Variants in C10orf90 observed in about 807,000 individuals in gnomAD.
C10orf90 encodes (E2-independent) E3 ubiquitin-conjugating enzyme FATS.
C10orf90 carries 56 observed loss-of-function variants against 62.5 expected under a neutral mutation model. That is an observed-to-expected ratio of 0.90 (90% CI 0.72 to 1.12). The LOEUF is 1.12. Ranked by LOEUF, C10orf90 falls within the 50% of genes most tolerant of loss-of-function variation. The pLI, the probability that C10orf90 is intolerant of heterozygous loss-of-function variation, is 0.00. For missense variants in C10orf90, 970 were observed against 880.4 expected (o/e 1.10, Z -1.29); for synonymous variants, 386 against 340.4 (o/e 1.13, Z -1.47).
chr10:126,523,940 G>A (rs1345805694), intron 2 of C10orf90, among the ~76,000 whole-genome samples: 1 of 152,190 alleles, frequency 6.6e-6, no homozygotes, highest in Non-Finnish European at 1.5e-5. Flanking sequence ...GCTATTGAAT[G>A]TATATACTAC....
At chr10:126,441,228 A>T (rs1035070742) in intron 7 of C10orf90, among the ~76,000 whole-genome samples, 5 of 152,176 alleles carry the variant, frequency 3.3e-5, no homozygotes. Flanking sequence ...ACACTTATAG[A>T]AATGCAAAAT....
At chr10:126,486,369 A>G (rs1405409370) in intron 4 of C10orf90, among the ~76,000 whole-genome samples, 3 of 152,198 alleles carry the variant, frequency 2.0e-5, no homozygotes, top group Admixed American at 1.3e-4. Context: ...TTTCACAGAT[A>G]AAGTCCCAAT....
rs150924905 is a variant in C10orf90, at chr10:126,513,867, G to C, written c.386C>G (p.Ala129Gly). The C allele has an allele frequency of 6.2e-7, 1 of 1,609,862 alleles. No homozygotes were observed. Among genetic ancestry groups the C allele is most frequent in the Non-Finnish European group, 8.5e-7 (1 of 1,176,446 alleles). Reference protein sequence around the residue: ...LKNLQSDVTEAKSDFTKETLA... With the variant: ...LKNLQSDVTEGKSDFTKETLA... The stretch of plus-strand genomic sequence containing the variant: ...TGTTACCTTGGTGAAGTCAGATTTT[G>C]CCTCTGTGACATCAGACTGGAGATT... The change falls in exon 3 of 10, where the codon GCA (alanine) becomes GGA (glycine). Residue 129 changes from alanine (A) to glycine (G), a missense_variant. Coordinates refer to ENST00000488181, the MANE Select transcript of C10orf90 (RefSeq NM_001350921.2).
intron 4 of C10orf90, among the ~76,000 whole-genome samples, chr10:126,481,226 C>T (rs1461669352): frequency 3.3e-5 from 5 of 152,088 alleles, no homozygotes; most frequent in Non-Finnish European, 7.4e-5. Context: ...AGCCCAATCA[C>T]ATCATCTGAC....
intron 3 of C10orf90, among the ~76,000 whole-genome samples, chr10:126,507,649 G>A (rs533992509): frequency 6.6e-6 from 1 of 152,208 alleles, no homozygotes; most frequent in Non-Finnish European, 1.5e-5. Context: ...CCTGCCAGGT[G>A]GGGCTTCCTC....
chr10:126,614,796 T>G (rs1330482036), intron 2 of C10orf90, among the ~76,000 whole-genome samples: 1 of 152,148 alleles, frequency 6.6e-6, no homozygotes, highest in African/African-American at 2.4e-5. Flanking sequence ...TTCAATAAAT[T>G]TACATATTTG....
At chr10:126,438,088 A>G (rs552204578) in intron 7 of C10orf90, among the ~76,000 whole-genome samples, 42 of 152,300 alleles carry the variant, frequency 2.8e-4, no homozygotes, top group African/African-American at 9.9e-4. Context: ...TGGCATTGTT[A>G]CAGATGCCGG....
rs531028682 is a variant in C10orf90, at chr10:126,461,581, A to G, written c.1830T>C (p.Asp610=). ...VQIESKFPKG[D]YTCCDLVVKI... ...TTACAACCAAGTCACAGCATGTGTA[A>G]TCTCCTAGGAGAGAAGATTTAGAAT... The change falls in exon 6 of 10, where the codon GAT becomes GAC. Residue 610 remains aspartate (D), a synonymous_variant. Coordinates refer to ENST00000488181, the MANE Select transcript of C10orf90 (RefSeq NM_001350921.2). The G allele has an allele frequency of 1.2e-6, 2 of 1,613,372 alleles. No homozygotes were observed. The highest frequency in any genetic ancestry group is 4.5e-5 in the East Asian group (2 of 44,850).
At chr10:126,643,399 G>GT (rs1379618683) in intron 2 of C10orf90, among the ~76,000 whole-genome samples, 4 of 152,156 alleles carry the variant, frequency 2.6e-5, no homozygotes, top group Non-Finnish European at 5.9e-5. Context: ...GACCTCTGTG[G>GT]CCCCTCCCAA....
At chr10:126,583,144 A>G (rs961474811) in intron 2 of C10orf90, among the ~76,000 whole-genome samples, 3 of 152,182 alleles carry the variant, frequency 2.0e-5, no homozygotes, top group Admixed American at 2.0e-4. Flanking sequence ...TGCCTGGGGG[A>G]CAAAACCACC....
chr10:126,534,154 C>T (rs1864174233), intron 2 of C10orf90, among the ~76,000 whole-genome samples: 1 of 152,230 alleles, frequency 6.6e-6, no homozygotes, highest in African/African-American at 2.4e-5. Flanking sequence ...ATGAGATCAG[C>T]TTTCCTCGAG....
chr10:126,432,883 C>A (rs1449994501), intron 7 of C10orf90, among the ~76,000 whole-genome samples: 2 of 152,230 alleles, frequency 1.3e-5, no homozygotes, highest in African/African-American at 4.8e-5. Context: ...ATTTAAGGAG[C>A]TTTGCAATCC....
In C10orf90 at chr10:126,576,659, G is replaced by GTATACATATATATGTATACATATACA. The variant is rs1844618000; in HGVS notation, c.314-62746_314-62721dup. Among the ~76,000 whole-genome samples, 4 of 95,786 alleles carry GTATACATATATATGTATACATATACA rather than the reference G, an allele frequency of 4.2e-5. 1 individual carries two copies. In the East Asian group the frequency reaches 8.0e-4, roughly 19 times the overall value. The allele number at this position is 95,786 out of a possible 152,430, so 62.8% of individuals were successfully genotyped here. ...GCACTATTCACCACAGCCAAGATATGTATACATATATATGTATACATATAC... is the reference window on the plus strand; with the variant it reads ...GCACTATTCACCACAGCCAAGATATGTATACATATATATGTATACATATACATATACATATATATGTATACATATAC... On this transcript the variant is annotated intron_variant, in intron 2 of 9. Transcript: ENST00000488181.
At chr10:126,595,344 C>G (rs567217699) in intron 2 of C10orf90, among the ~76,000 whole-genome samples, 35 of 152,324 alleles carry the variant, frequency 2.3e-4, no homozygotes, top group African/African-American at 8.2e-4. Flanking sequence ...CACTGAGATG[C>G]AGAATGTGCT....
intron 2 of C10orf90, among the ~76,000 whole-genome samples, chr10:126,542,740 G>A (rs180894678): frequency 6.6e-6 from 1 of 152,258 alleles, no homozygotes; most frequent in Admixed American, 6.5e-5. Context: ...CAGCATCAGG[G>A]TGTGGGAAGG....
At chr10:126,618,482 T>A (rs1460358458) in intron 2 of C10orf90, among the ~76,000 whole-genome samples, 2 of 152,174 alleles carry the variant, frequency 1.3e-5, no homozygotes, top group African/African-American at 4.8e-5. Context: ...GGCCAAACTC[T>A]GTATTACTTT....
At chr10:126,458,844 C>T (rs1564806507) in intron 7 of C10orf90, among the ~76,000 whole-genome samples, 196 bp downstream of exon 7, 1 of 152,120 alleles carries the variant, frequency 6.6e-6, no homozygotes, top group Non-Finnish European at 1.5e-5. Flanking sequence ...AGCTCAATGC[C>T]CATATGTGAT....
rs1275674309 is a variant in C10orf90, at chr10:126,437,999, T to C, written c.2189-8149A>G. Among the ~76,000 whole-genome samples, 9 of 152,240 alleles carry C rather than the reference T, an allele frequency of 5.9e-5. No homozygotes were observed. The East Asian group carries it at 7.7e-4, about 13-fold the overall frequency. On this transcript the variant is annotated intron_variant, in intron 7 of 9. Transcript: ENST00000488181. Reference sequence around the variant, plus strand: ...TCTTATTTTCTGTGGTTATTTCACATTGTGACATCTGTGAAGACTTTCTAA... The same window carrying C: ...TCTTATTTTCTGTGGTTATTTCACACTGTGACATCTGTGAAGACTTTCTAA...
In C10orf90 at chr10:126,574,628, C is replaced by A. The variant is rs149331935; in HGVS notation, c.314-60689G>T. ...TGGCTTAACAATAAATCAATCAATG[C>A]AATATACAACATTAATAGGAGAAAA... On this transcript the variant is annotated intron_variant, in intron 2 of 9. Coordinates refer to ENST00000488181, the MANE Select transcript of C10orf90 (RefSeq NM_001350921.2). 9.6e-3 allele frequency among the ~76,000 whole-genome samples: 1,453 copies of A among 151,928 alleles called. 26 individuals are homozygous for A. Among genetic ancestry groups the A allele is most frequent in the African/African-American group, 0.032 (1,333 of 41,458 alleles).
Sources: gnomAD v4.1 joint callset for allele counts (sites outside exome capture counted in the v4.1 genomes callset) on GRCh38, gnomAD v4.1.1 for gene constraint, MANE v1.5 for transcripts, NCBI Gene and HGNC (gene_info 2026-07-23, HGNC 2026-07-21) for gene names.